The following DAB2IP variants were observed in gnomAD, a reference collection of about 807,000 sequenced individuals.
DAB2IP encodes the protein DAB2 interacting protein, also known as disabled homolog 2-interacting protein.
In DAB2IP, 28 loss-of-function variants were observed where a neutral mutation model predicts 107.2. The ratio of observed to expected loss-of-function variants is 0.26; its 90% CI spans 0.19 to 0.36. The LOEUF (loss-of-function observed/expected upper bound fraction) is 0.36. Among genes scored for constraint, DAB2IP ranks in the 10% least tolerant of loss-of-function variants. The pLI is 1.00. For synonymous variants in DAB2IP, 755 were observed against 706.4 expected (o/e 1.07, Z -1.09); for missense variants, 1,400 against 1,644.7 (o/e 0.85, Z 2.57).
At chr9:121,644,092 G>T (rs1023821688) in intron 1 of DAB2IP, among the ~76,000 whole-genome samples, 47 of 151,308 alleles carry the variant, frequency 3.1e-4, no homozygotes, top group Non-Finnish European at 2.8e-4. Context: ...GGTCACATGA[G>T]CCCAGGCATT....
intron 1 of DAB2IP, among the ~76,000 whole-genome samples, chr9:121,587,229 A>G (rs753062983): frequency 6.6e-6 from 1 of 151,894 alleles, no homozygotes; most frequent in Non-Finnish European, 1.5e-5. Flanking sequence ...TTCCTGGAAG[A>G]GCGGATTTGG....
At chr9:121,603,223 C>A (rs1407457607) in intron 1 of DAB2IP, among the ~76,000 whole-genome samples, 1 of 152,192 alleles carries the variant, frequency 6.6e-6, no homozygotes, top group Non-Finnish European at 1.5e-5. Context: ...CTTGGAAGAC[C>A]GCTCTGTGGG....
chr9:121,617,281 G>A, intron 1 of DAB2IP, among the ~76,000 whole-genome samples: 1 of 152,152 alleles, frequency 6.6e-6, no homozygotes, highest in Non-Finnish European at 1.5e-5. Flanking sequence ...CCGAGATTGG[G>A]CCACTGCACT....
chr9:121,721,151 T>G (rs888162002), intron 3 of DAB2IP, among the ~76,000 whole-genome samples: 4 of 152,206 alleles, frequency 2.6e-5, no homozygotes, highest in East Asian at 3.9e-4. Context: ...TGCTCTTACT[T>G]TGGTTGGGCT....
chr9:121,776,524 T>TGGGCAGTGG lies in DAB2IP; in HGVS notation c.3314+135_3314+143dup. 9.2e-7 allele frequency: 1 copy of TGGGCAGTGG among 1,085,392 alleles called. No individual in the cohort carries two copies. Among genetic ancestry groups the TGGGCAGTGG allele is most frequent in the Admixed American group, 2.9e-5 (1 of 34,032 alleles). 67.2% of individuals were successfully genotyped at this position (1,085,392 alleles called of 1,614,324 possible). ...TGGAGAGAGGAGGGAAGAGAGTGTCTGGGCAGTGGGAGCAGCGTGAGCACA... is the reference window on the plus strand; with the variant it reads ...TGGAGAGAGGAGGGAAGAGAGTGTCTGGGCAGTGGGGGCAGTGGGAGCAGCGTGAGCACA... On this transcript the variant is annotated intron_variant, in intron 14 of 15. Transcript: ENST00000408936. This position sits in a 1 kb window ranked among gnomAD's most constrained non-coding sequence, Gnocchi z 5.4.
At position 121,759,748 on chromosome 9, in the gene DAB2IP, C is replaced by T. The variant is rs556404599; in HGVS notation, c.616-137C>T. 219 of 719,814 alleles carry T rather than the reference C, an allele frequency of 3.0e-4. 1 individual carries two copies. The East Asian group carries it at 5.9e-3, about 19-fold the overall frequency. The allele number at this position is 719,814 out of a possible 1,614,324, so 44.6% of individuals were successfully genotyped here. A position where few individuals can be genotyped will look rare whatever the true frequency, so the allele number is the denominator to read the frequency against. On this transcript the variant is annotated intron_variant, in intron 5 of 15. Coordinates refer to ENST00000408936, the Ensembl canonical transcript of DAB2IP. ...TCCATCATGCCCTGCCTCATCCTGA[C>T]TTAGGGCCTAGGCGCCCGCTGCCGC... is the stretch of plus-strand genomic sequence containing the variant.
chr9:121,757,288 A>G (rs1833566746), intron 4 of DAB2IP, 122 bp downstream of exon 4: 1 of 1,329,332 alleles, frequency 7.5e-7, no homozygotes, highest in African/African-American at 1.5e-5. Context: ...GGTCTTGGGG[A>G]CAGTGGCTAG....
intron 1 of DAB2IP, among the ~76,000 whole-genome samples, chr9:121,630,833 C>G (rs1279616162): frequency 6.6e-6 from 1 of 152,144 alleles, no homozygotes; most frequent in Non-Finnish European, 1.5e-5. Flanking sequence ...GTCTCGAACT[C>G]CTGACATTGG....
intron 3 of DAB2IP, among the ~76,000 whole-genome samples, chr9:121,743,704 G>A (rs1832518325): frequency 6.6e-6 from 1 of 152,226 alleles, no homozygotes; most frequent in South Asian, 2.1e-4. Context: ...TGGTGGCTAT[G>A]CTGAGGGATG....
intron 3 of DAB2IP, among the ~76,000 whole-genome samples, chr9:121,740,246 G>A (rs1271432884): frequency 6.6e-6 from 1 of 152,276 alleles, no homozygotes; most frequent in East Asian, 1.9e-4. Context: ...TTCTGATTCA[G>A]GAGCGCCGAT....
At chr9:121,780,417 G>A (rs1357227624) in intron 14 of DAB2IP, among the ~76,000 whole-genome samples, 1 of 152,104 alleles carries the variant, frequency 6.6e-6, no homozygotes, top group Non-Finnish European at 1.5e-5. Flanking sequence ...GTGCAGAACC[G>A]GCCCCGGCAC....
intron 3 of DAB2IP, among the ~76,000 whole-genome samples, chr9:121,714,649 A>G (rs1830500701): frequency 6.6e-6 from 1 of 152,222 alleles, no homozygotes; most frequent in African/African-American, 2.4e-5. Context: ...GCATGGTGCT[A>G]AGCTGAGGGA....
At chr9:121,690,093 C>T (rs1589521575) in intron 2 of DAB2IP, among the ~76,000 whole-genome samples, 1 of 152,306 alleles carries the variant, frequency 6.6e-6, no homozygotes, top group East Asian at 1.9e-4. Flanking sequence ...TAATACAGTG[C>T]CTGAAGCTTA....
chr9:121,684,937 G>A lies in DAB2IP; in HGVS notation c.228+6156G>A, dbSNP rs1488268429. Among the ~76,000 whole-genome samples the A allele has an allele frequency of 1.3e-5, 2 of 152,216 alleles. No individual in the cohort carries two copies. Among genetic ancestry groups the A allele is most frequent in the African/African-American group, 2.4e-5 (1 of 41,452 alleles). Reference sequence around the variant, plus strand: ...TGTTTGTGGCCCATCAACCAGTGGAGGGATGTCAGCCACGTGGTCCTGGCT... The same window carrying A: ...TGTTTGTGGCCCATCAACCAGTGGAAGGATGTCAGCCACGTGGTCCTGGCT... On this transcript the variant is annotated intron_variant, in intron 2 of 15. Transcript: ENST00000408936. This position sits in a 1 kb window ranked among gnomAD's most constrained non-coding sequence, Gnocchi z 4.0.
At chr9:121,723,217 G>T (rs1564179971) in intron 3 of DAB2IP, among the ~76,000 whole-genome samples, 2 of 152,066 alleles carry the variant, frequency 1.3e-5, no homozygotes, top group Non-Finnish European at 2.9e-5. Flanking sequence ...CACAGACTCA[G>T]GCCGTGGGCT....
chr9:121,643,814 G>T (rs1832442062), intron 1 of DAB2IP, among the ~76,000 whole-genome samples: 1 of 152,204 alleles, frequency 6.6e-6, no homozygotes, highest in Admixed American at 6.5e-5. Context: ...GCTCTGGGCT[G>T]GGAGCTGTAC....
intron 3 of DAB2IP, among the ~76,000 whole-genome samples, chr9:121,703,102 C>G (rs1291651948): frequency 1.3e-5 from 2 of 152,108 alleles, no homozygotes; most frequent in Non-Finnish European, 2.9e-5. Context: ...GGTGGAATTC[C>G]AAGTGATAAG....
chr9:121,597,138 T>C (rs1830547617), intron 1 of DAB2IP, among the ~76,000 whole-genome samples: 1 of 152,266 alleles, frequency 6.6e-6, no homozygotes, highest in Admixed American at 6.5e-5. Context: ...ATATCATCTT[T>C]TGATAAACAG....
chr9:121,652,324 T>C (rs1204273860), intron 1 of DAB2IP, among the ~76,000 whole-genome samples: 6 of 152,124 alleles, frequency 3.9e-5, no homozygotes, highest in Non-Finnish European at 7.4e-5. Flanking sequence ...TCTTGGGTGC[T>C]AGGACAAGTG....
Sources: gnomAD v4.1 joint callset for allele counts (sites outside exome capture counted in the v4.1 genomes callset) on GRCh38, gnomAD v4.1.1 for gene constraint, Gnocchi (gnomAD v3.1) non-coding constraint, MANE v1.5 for transcripts, NCBI Gene and HGNC (gene_info 2026-07-23, HGNC 2026-07-21) for gene names.